The following KCTD15 variants were observed in gnomAD, a reference collection of about 807,000 sequenced individuals.
KCTD15 encodes BTB/POZ domain-containing protein KCTD15.
A neutral mutation model predicts 27.2 loss-of-function variants in KCTD15; 11 were observed. The ratio of observed to expected loss-of-function variants is 0.41; its 90% CI spans 0.25 to 0.67. KCTD15 has a LOEUF of 0.67. KCTD15 is among the 30% of genes least tolerant of loss of function. KCTD15 has a pLI of 0.35. For synonymous variants in KCTD15, 163 were observed against 176.0 expected (o/e 0.93, Z 0.58); for missense variants, 350 against 409.3 (o/e 0.86, Z 1.25).
chr19:33,811,637 C>G (rs760263854), intron 6 of KCTD15, 85 bp downstream of exon 6: 2 of 1,526,974 alleles, frequency 1.3e-6, no homozygotes, highest in East Asian at 4.5e-5. Flanking sequence ...GAGGGAGGCG[C>G]GATCCCTGAA....
Position 33,800,466 on chromosome 19 carries a change from C to G in KCTD15, c.12C>G (p.Arg4=). Residue 4 remains arginine (R), a synonymous_variant, in exon 3 of 7, where the codon CGC becomes CGG. Transcript: ENST00000683859. ...GGATGGAAGCCTAGATGCCTCACCG[C>G]AAGGAGCGGCCGAGCGGGTCCTCGC... is the stretch of plus-strand genomic sequence containing the variant. The part of the protein sequence containing the change: MPH[R]KERPSGSSLH... 3 of 1,605,504 alleles carry G rather than the reference C, an allele frequency of 1.9e-6. No individual in the cohort carries two copies. Among genetic ancestry groups the G allele is most frequent in the Non-Finnish European group, 2.5e-6 (3 of 1,177,172 alleles).
At chr19:33,811,116 G>T in intron 5 of KCTD15, 131 bp from the exon 6 acceptor site, 1 of 764,746 alleles carries the variant, frequency 1.3e-6, no homozygotes, top group Non-Finnish European at 2.1e-6. Flanking sequence ...AACCGGCCCA[G>T]TCCACACAAT....
chr19:33,804,913 G>A (rs118129289), intron 4 of KCTD15, among the ~76,000 whole-genome samples: 2,059 of 152,272 alleles, frequency 0.014, 19 homozygotes, highest in Middle Eastern at 0.058. Context: ...GCCCATCCAC[G>A]AGACAGCCTT....
intron 4 of KCTD15, among the ~76,000 whole-genome samples, chr19:33,806,553 G>C (rs533808924): frequency 1.3e-5 from 2 of 152,306 alleles, no homozygotes; most frequent in Admixed American, 1.3e-4. Flanking sequence ...TAAGGTGCCT[G>C]TGTCTTGCTA....
chr19:33,811,804 A>G (rs1975934871), intron 6 of KCTD15: 1 of 1,607,762 alleles, frequency 6.2e-7, no homozygotes, highest in Admixed American at 1.7e-5. Flanking sequence ...GTTCTATAAA[A>G]ATGGCCCAGA....
chr19:33,795,465 A>G (rs1042597865), upstream of KCTD15, among the ~76,000 whole-genome samples: 1 of 151,860 alleles, frequency 6.6e-6, no homozygotes. Flanking sequence ...TGCGGCCGCT[A>G]GGGGGCGTCC....
Position 33,813,032 on chromosome 19 carries a change from G to A in KCTD15, c.*84G>A, listed in dbSNP as rs765299300. 5.1e-6 allele frequency: 7 copies of A among 1,385,136 alleles called. No individual in the cohort carries two copies. In the Admixed American group the frequency reaches 1.0e-4, roughly 20 times the overall value. The allele number at this position is 1,385,136 out of a possible 1,614,324, so 85.8% of individuals were successfully genotyped here. ...TCTGCCTGTGTATACTTGGCCGTGG[G>A]CATGAGACCGAGGGTGAGGCTGGAG... On this transcript the variant is annotated 3_prime_UTR_variant, in exon 7 of 7. Transcript: ENST00000683859.
intron 5 of KCTD15, among the ~76,000 whole-genome samples, chr19:33,810,929 G>C (rs1417092904): frequency 6.6e-6 from 1 of 152,030 alleles, no homozygotes; most frequent in African/African-American, 2.4e-5. Context: ...GCACAGCCTC[G>C]TCCTTTAGTG....
At chr19:33,797,906 C>T (rs1235237245) in intron 1 of KCTD15, among the ~76,000 whole-genome samples, 2 of 152,234 alleles carry the variant, frequency 1.3e-5, no homozygotes, top group Non-Finnish European at 2.9e-5. Context: ...TCTGTGGTCT[C>T]CAAGTGTCTG....
At chr19:33,797,372 G>T (rs1342862703) in intron 1 of KCTD15, 1 of 454,666 alleles carries the variant, frequency 2.2e-6, no homozygotes, top group South Asian at 1.6e-5. Flanking sequence ...GAGTTTCCGG[G>T]GTCAGAAACG....
At chr19:33,805,513 G>C (rs1003720913) in intron 4 of KCTD15, among the ~76,000 whole-genome samples, 3 of 152,204 alleles carry the variant, frequency 2.0e-5, no homozygotes, top group Non-Finnish European at 4.4e-5. Flanking sequence ...ATCCCTGCAG[G>C]GGTCCCTGCT....
In KCTD15 at chr19:33,812,979, C is replaced by G. The variant is rs1478028029; in HGVS notation, c.*31C>G. On this transcript the variant is annotated 3_prime_UTR_variant, in exon 7 of 7. Coordinates refer to ENST00000683859, the MANE Select transcript of KCTD15 (RefSeq NM_001129994.2). ...GCTTCAGTGCCCACCTGGGCCCCCC[C>G]AGGGACCTGGAAACAGTGCTGGGGA... 4 of 1,522,192 alleles carry G rather than the reference C, an allele frequency of 2.6e-6. No individual in the cohort carries two copies. The highest frequency in any genetic ancestry group is 3.5e-6 in the Non-Finnish European group (4 of 1,134,968). The allele number at this position is 1,522,192 out of a possible 1,614,324, so 94.3% of individuals were successfully genotyped here.
chr19:33,813,309 C>T lies in KCTD15; in HGVS notation c.*361C>T, dbSNP rs73039070. The T allele has an allele frequency of 0.029, 15,802 of 537,498 alleles. 371 individuals are homozygous for T. Among genetic ancestry groups the T allele is most frequent in the Non-Finnish European group, 0.045 (12,572 of 280,432 alleles). 33.3% of individuals were successfully genotyped at this position (537,498 alleles called of 1,614,324 possible). A position where few individuals can be genotyped will look rare whatever the true frequency, so the allele number is the denominator to read the frequency against. On this transcript the variant is annotated 3_prime_UTR_variant, in exon 7 of 7. Transcript: ENST00000683859. The stretch of plus-strand genomic sequence containing the variant: ...CAGAGGAGCTGTTTATCCCTCTCCA[C>T]GCGGGGCAGACTCTGGCGGGTCTCC...
chr19:33,811,183 C>G, intron 5 of KCTD15, 64 bp from the exon 6 acceptor site: 3 of 833,772 alleles, frequency 3.6e-6, no homozygotes, highest in Non-Finnish European at 3.6e-6. Context: ...CGCCTCCCCT[C>G]TCCCCCTTCC....
chr19:33,795,784 G>T (rs1438176863), upstream of KCTD15: 1 of 152,108 alleles, frequency 6.6e-6, no homozygotes, highest in African/African-American at 2.4e-5. Context: ...CCTCGGCCGC[G>T]GGGAGTCTTG....
intron 4 of KCTD15, among the ~76,000 whole-genome samples, chr19:33,802,048 G>C (rs762528893): frequency 6.6e-6 from 1 of 152,200 alleles, no homozygotes; most frequent in Non-Finnish European, 1.5e-5. Context: ...TTGGGCCTGC[G>C]AGAGGTTTGG....
At position 33,815,670 on chromosome 19, in the gene KCTD15, A is replaced by G. The variant is rs535875669; in HGVS notation, c.*2722A>G. 4.2e-5 allele frequency: 6 copies of G among 142,734 alleles called. No homozygotes were observed. In the East Asian group the frequency reaches 6.2e-4, roughly 15 times the overall value. 8.8% of individuals were successfully genotyped at this position (142,734 alleles called of 1,614,324 possible). On this transcript the variant is annotated 3_prime_UTR_variant, in exon 7 of 7. Transcript: ENST00000683859. ...CCAATGCCAGGTCACAACACTAAGA[A>G]TATCTTTCAAAAAATGTGTCTTTTT... is the stretch of plus-strand genomic sequence containing the variant.
At chr19:33,809,471 G>C (rs969784914) in intron 5 of KCTD15, among the ~76,000 whole-genome samples, 2 of 152,208 alleles carry the variant, frequency 1.3e-5, no homozygotes, top group Non-Finnish European at 2.9e-5. Context: ...CAGGCTGTGG[G>C]AGTGGGGTTT....
At chr19:33,811,211 G>A (rs963936746) in intron 5 of KCTD15, 36 bp from the exon 6 acceptor site, 4 of 290,950 alleles carry the variant, frequency 1.4e-5, no homozygotes, top group African/African-American at 3.0e-5. Flanking sequence ...CCCCTACTCC[G>A]ACACCCACAT....
Sources: allele counts gnomAD v4.1 joint callset (sites outside exome capture counted in the v4.1 genomes callset), GRCh38; gene constraint gnomAD v4.1.1; transcripts MANE v1.5; gene names NCBI Gene and HGNC (gene_info 2026-07-23, HGNC 2026-07-21).